Variants in ADAM2 observed in about 807,000 individuals in gnomAD.
ADAM2 encodes ADAM metallopeptidase domain 2.
Under a neutral mutation model 99.3 loss-of-function variants are expected in ADAM2, and 101 were observed. That is an observed-to-expected ratio of 1.02 (90% CI 0.87 to 1.20). The LOEUF (loss-of-function observed/expected upper bound fraction) is 1.20. Among genes scored for constraint, ADAM2 ranks in the 50% most tolerant of loss-of-function variants. ADAM2 has a pLI of 0.00. For missense variants in ADAM2, 948 were observed against 878.7 expected (o/e 1.08, Z -1.00); for synonymous variants, 323 against 287.6 (o/e 1.12, Z -1.25).
At chr8:39,754,029 C>G (rs1445720315) in intron 16 of ADAM2, among the ~76,000 whole-genome samples, 1 of 152,172 alleles carries the variant, frequency 6.6e-6, no homozygotes, top group Non-Finnish European at 1.5e-5. Flanking sequence ...CCTTTCTGAG[C>G]ATGCATCTTT....
At chr8:39,826,270 A>G (rs186195002) in intron 3 of ADAM2, among the ~76,000 whole-genome samples, 172 of 152,344 alleles carry the variant, frequency 1.1e-3, no homozygotes, top group Admixed American at 2.4e-3. Flanking sequence ...ATATAGATAT[A>G]AGAGAAATAA....
intron 7 of ADAM2, among the ~76,000 whole-genome samples, chr8:39,796,389 G>A (rs1030459396): frequency 2.0e-5 from 3 of 152,122 alleles, no homozygotes; most frequent in Admixed American, 6.5e-5. Flanking sequence ...TTTTTAGGTA[G>A]CATAGTATTC....
chr8:39,837,299 C>G (rs746698930), intron 1 of ADAM2, 87 bp from the exon 2 acceptor site: 190 of 783,692 alleles, frequency 2.4e-4, no homozygotes, highest in Non-Finnish European at 3.4e-4. Context: ...TCTCTAATCT[C>G]TATTCTATAC....
chr8:39,773,924 A>G (rs1802884381), intron 11 of ADAM2, among the ~76,000 whole-genome samples: 1 of 151,948 alleles, frequency 6.6e-6, no homozygotes, highest in African/African-American at 2.4e-5. Flanking sequence ...ATACAGGCAA[A>G]TATACTTTGC....
intron 6 of ADAM2, among the ~76,000 whole-genome samples, chr8:39,811,361 G>A (rs1804688126): frequency 6.6e-6 from 1 of 152,112 alleles, no homozygotes; most frequent in Admixed American, 6.5e-5. Flanking sequence ...AAGAGGAGCT[G>A]GTACCATTCC....
chr8:39,829,280 A>G lies in ADAM2; in HGVS notation c.189-4383T>C, dbSNP rs7827028. On this transcript the variant is annotated intron_variant, in intron 3 of 20. Transcript: ENST00000265708. ...GGAAGAATTATCTTTACCAAATACC[A>G]TAAGTGTGAAAACACAAGGAGAGAA... is the stretch of plus-strand genomic sequence containing the variant. Among the ~76,000 whole-genome samples the G allele has an allele frequency of 4.6e-3, 706 of 152,146 alleles. 7 individuals are homozygous for G. The highest frequency in any genetic ancestry group is 0.016 in the African/African-American group (661 of 41,574).
intron 10 of ADAM2, among the ~76,000 whole-genome samples, chr8:39,785,071 A>G (rs187195616): frequency 6.6e-6 from 1 of 152,130 alleles, no homozygotes; most frequent in East Asian, 1.9e-4. Context: ...TCACTTGTAA[A>G]TTTTTGCTTT....
rs763983947 is a variant in ADAM2, at chr8:39,744,878, C to G, written c.2190G>C (p.Glu730Asp). The G allele has an allele frequency of 1.9e-6, 3 of 1,603,118 alleles. No individual in the cohort carries two copies. Among genetic ancestry groups the G allele is most frequent in the African/African-American group, 1.3e-5 (1 of 74,410 alleles). The change falls in exon 20 of 21, where the codon GAG (glutamate) becomes GAC (aspartate). Residue 730 changes from glutamate to aspartate, a missense_variant. Coordinates refer to ENST00000265708, the MANE Select transcript of ADAM2 (RefSeq NM_001464.5). ...GTCCAGACTACCCTTTAGGTTCACT[C>G]TCACTTTCAGGTTGCCTGCATATTA... is the stretch of plus-strand genomic sequence containing the variant. ...DYSSDEQPES[E>D]SEPKG
intron 7 of ADAM2, among the ~76,000 whole-genome samples, chr8:39,795,159 T>C (rs1803885800): frequency 6.6e-6 from 1 of 152,132 alleles, no homozygotes; most frequent in Non-Finnish European, 1.5e-5. Context: ...AGGCAAATGG[T>C]GAAACATCAA....
intron 7 of ADAM2, 123 bp downstream of exon 7, chr8:39,809,287 G>A: frequency 1.8e-6 from 1 of 556,338 alleles, no homozygotes; most frequent in Non-Finnish European, 3.2e-6. Context: ...ATAATTTAAA[G>A]TGCATTAATG....
chr8:39,770,587 A>T (rs1802743286), intron 11 of ADAM2, among the ~76,000 whole-genome samples: 1 of 152,214 alleles, frequency 6.6e-6, no homozygotes, highest in South Asian at 2.1e-4. Flanking sequence ...CTTGTAAAAG[A>T]TTTTAAAATT....
At chr8:39,814,407 A>G (rs10113392) in intron 6 of ADAM2, among the ~76,000 whole-genome samples, 15,326 of 152,088 alleles carry the variant, frequency 0.1, 825 homozygotes, top group African/African-American at 0.13. Flanking sequence ...ATTAAGACAA[A>G]GTAGCCCTAA....
At chr8:39,750,301 G>A (rs1379269334) in intron 16 of ADAM2, among the ~76,000 whole-genome samples, 1 of 152,016 alleles carries the variant, frequency 6.6e-6, no homozygotes, top group African/African-American at 2.4e-5. Flanking sequence ...TCCTACAAAT[G>A]TACCTGGCCC....
At chr8:39,822,070 C>T (rs530586382) in intron 4 of ADAM2, among the ~76,000 whole-genome samples, 2 of 152,294 alleles carry the variant, frequency 1.3e-5, no homozygotes, top group East Asian at 3.8e-4. Flanking sequence ...CATCTTTCTA[C>T]TGTGATACCT....
intron 15 of ADAM2, among the ~76,000 whole-genome samples, chr8:39,757,741 C>T (rs1462293399): frequency 6.6e-6 from 1 of 152,160 alleles, no homozygotes; most frequent in East Asian, 1.9e-4. Flanking sequence ...TTACAAAATT[C>T]TAGCCTTCAG....
chr8:39,810,178 G>A (rs557746014), intron 6 of ADAM2, among the ~76,000 whole-genome samples: 3 of 152,094 alleles, frequency 2.0e-5, no homozygotes, highest in Non-Finnish European at 4.4e-5. Context: ...AAGATCAAAA[G>A]AGACAAAGAA....
At chr8:39,820,084 T>C (rs1017682014) in intron 6 of ADAM2, among the ~76,000 whole-genome samples, 2 of 152,138 alleles carry the variant, frequency 1.3e-5, no homozygotes, top group Non-Finnish European at 2.9e-5. Context: ...ATACTTCTGA[T>C]CAAAGACTTA....
chr8:39,750,056 A>G (rs955654998), intron 16 of ADAM2, among the ~76,000 whole-genome samples: 5 of 152,134 alleles, frequency 3.3e-5, no homozygotes, highest in African/African-American at 7.2e-5. Context: ...TAATGAAAAA[A>G]TTGATTTGTG....
At chr8:39,835,082 G>A (rs1805767547) in intron 2 of ADAM2, among the ~76,000 whole-genome samples, 1 of 152,106 alleles carries the variant, frequency 6.6e-6, no homozygotes, top group South Asian at 2.1e-4. Flanking sequence ...TACGTTCTGA[G>A]GCACCAGGGG....
Sources: allele counts gnomAD v4.1 joint callset (sites outside exome capture counted in the v4.1 genomes callset), GRCh38; gene constraint gnomAD v4.1.1; transcripts MANE v1.5; gene names NCBI Gene and HGNC (gene_info 2026-07-23, HGNC 2026-07-21).